Variants in FLRT2 observed in about 807,000 individuals in gnomAD.
FLRT2 encodes leucine-rich repeat transmembrane protein FLRT2.
FLRT2 carries 15 observed loss-of-function variants against 40.0 expected under a neutral mutation model. The ratio of observed to expected loss-of-function variants is 0.38; its 90% confidence interval spans 0.25 to 0.58. The LOEUF (loss-of-function observed/expected upper bound fraction) is 0.58, where lower values mean the gene tolerates loss of function less well. FLRT2 is among the 20% of genes least tolerant of loss of function. The pLI is 0.71. For missense variants in FLRT2, 726 were observed against 840.0 expected (o/e 0.86, Z 1.68); for synonymous variants, 380 against 336.8 (o/e 1.13, Z -1.41).
chr14:85,540,599 C>A (rs1888927772), intron 1 of FLRT2, among the ~76,000 whole-genome samples: 1 of 152,060 alleles, frequency 6.6e-6, no homozygotes. Flanking sequence ...GTGGTTGGAT[C>A]CCGATTCTTG....
intron 1 of FLRT2, among the ~76,000 whole-genome samples, chr14:85,554,574 T>A (rs531381165): frequency 4.7e-4 from 72 of 152,220 alleles, no homozygotes; most frequent in Non-Finnish European, 9.3e-4. Flanking sequence ...TGCTTAGAAA[T>A]TCAGCTCACC....
In FLRT2 at chr14:85,623,078, G is replaced by A. The variant is rs976793534; in HGVS notation, c.1564G>A (p.Gly522Ser). 1 of 1,614,092 alleles carries A rather than the reference G, an allele frequency of 6.2e-7. No individual in the cohort carries two copies. The highest frequency in any genetic ancestry group is 8.5e-7 in the Non-Finnish European group (1 of 1,180,020). ...ATTHASYLNN[G>S]SNTASSHEQT... ...CACCCATGCCTCCTATCTGAACAAC[G>A]GCAGCAACACAGCGTCCAGCCATGA... The change falls in exon 2 of 2, where the codon GGC becomes AGC. Residue 522 changes from glycine (G) to serine (S), a missense_variant. Around this residue, in one of 3 missense-constraint regions of FLRT2, gnomAD observed 611 missense variants for 690.0 expected, o/e 0.89. Transcript: ENST00000330753.
rs1894162921 is a variant in FLRT2, at chr14:85,642,130, G to GCCA, written c.*18633_*18634insCCA. The stretch of plus-strand genomic sequence containing the variant: ...TTCTTACAGTTTCAAGGTTGCTGTT[G>GCCA]ACAAAAAAAAAAAAAAAGAAAGAAA... On this transcript the variant is annotated 3_prime_UTR_variant, in exon 2 of 2. Transcript: ENST00000330753. 1 of 15,596 alleles carries GCCA rather than the reference G, an allele frequency of 6.4e-5. No homozygotes were observed. The highest frequency in any genetic ancestry group is 1.5e-4 in the Non-Finnish European group (1 of 6,812). 1.0% of individuals were successfully genotyped at this position (15,596 alleles called of 1,614,324 possible). A position where few individuals can be genotyped will look rare whatever the true frequency, so the allele number is the denominator to read the frequency against.
chr14:85,540,665 A>G (rs1158947285), intron 1 of FLRT2, among the ~76,000 whole-genome samples: 2 of 152,120 alleles, frequency 1.3e-5, no homozygotes, highest in South Asian at 2.1e-4. Flanking sequence ...ATCCAACAAC[A>G]TTCTTTTCAA....
intron 1 of FLRT2, among the ~76,000 whole-genome samples, chr14:85,601,404 G>C (rs1209505503): frequency 6.6e-6 from 1 of 152,160 alleles, no homozygotes; most frequent in Non-Finnish European, 1.5e-5. Context: ...AGACTTCCAG[G>C]ACTAAAATTA....
chr14:85,553,455 A>G (rs1466757932), intron 1 of FLRT2, among the ~76,000 whole-genome samples: 1 of 152,298 alleles, frequency 6.6e-6, no homozygotes, highest in Non-Finnish European at 1.5e-5. Flanking sequence ...ATGAAACACA[A>G]TGATAGCTGA....
chr14:85,592,526 C>A (rs9323766), intron 1 of FLRT2, among the ~76,000 whole-genome samples: 1 of 151,812 alleles, frequency 6.6e-6, no homozygotes, highest in South Asian at 2.1e-4. Context: ...AGTGGCGCAA[C>A]GGCTGTAATC....
At position 85,604,092 on chromosome 14, in the gene FLRT2, T is replaced by G. The variant is rs541068079; in HGVS notation, c.-376-17047T>G. Among the ~76,000 whole-genome samples the G allele has an allele frequency of 2.2e-3, 342 of 152,280 alleles. 1 individual carries two copies. The Middle Eastern group carries it at 0.027, about 12-fold the overall frequency. Reference sequence around the variant, plus strand: ...CATCCTACCTAAATCTATCCCAACCTGTCTTACTAGTTAGTGAAAACATTT... The same window carrying G: ...CATCCTACCTAAATCTATCCCAACCGGTCTTACTAGTTAGTGAAAACATTT... On this transcript the variant is annotated intron_variant, in intron 1 of 1. Transcript: ENST00000330753.
At chr14:85,604,264 C>T (rs563160877) in intron 1 of FLRT2, among the ~76,000 whole-genome samples, 7 of 152,230 alleles carry the variant, frequency 4.6e-5, no homozygotes, top group Non-Finnish European at 7.4e-5. Context: ...TCTGCCTTAG[C>T]GGAACATTCA....
At chr14:85,569,097 AT>A (rs1227958793) in intron 1 of FLRT2, among the ~76,000 whole-genome samples, 2 of 152,132 alleles carry the variant, frequency 1.3e-5, no homozygotes, top group Admixed American at 6.5e-5. Flanking sequence ...CAGGTGGTGG[AT>A]TTTTAGGCTT....
intron 1 of FLRT2, among the ~76,000 whole-genome samples, chr14:85,591,564 A>G (rs2139317086): frequency 6.6e-6 from 1 of 152,368 alleles, no homozygotes; most frequent in East Asian, 1.9e-4. Flanking sequence ...CTGAAGATGC[A>G]TAGGCAGGGG....
Position 85,623,713 on chromosome 14 carries a change from CTT to C in FLRT2, c.*218_*219del, listed in dbSNP as rs1893536729. The C allele has an allele frequency of 4.7e-6, 2 of 422,076 alleles. No individual in the cohort carries two copies. The highest frequency in any genetic ancestry group is 3.7e-5 in the East Asian group (1 of 26,950). The allele number at this position is 422,076 out of a possible 1,614,324, so 26.1% of individuals were successfully genotyped here. On this transcript the variant is annotated 3_prime_UTR_variant, in exon 2 of 2. Transcript: ENST00000330753. ...GTTAATTACAAACAGTTTTGTAACT[CTT>C]TGCTTTTTAAATCTTAAAAAAAAAA... is the stretch of plus-strand genomic sequence containing the variant.
intron 1 of FLRT2, among the ~76,000 whole-genome samples, chr14:85,536,683 G>C (rs183552777): frequency 2.2e-4 from 34 of 151,626 alleles, no homozygotes; most frequent in Admixed American, 1.9e-3. Flanking sequence ...ATGACGTCAG[G>C]GTGCTGGGGG....
chr14:85,624,330 T>C lies in FLRT2; in HGVS notation c.*833T>C, dbSNP rs967389457. 1.2e-5 allele frequency: 2 copies of C among 167,060 alleles called. No individual in the cohort carries two copies. The highest frequency in any genetic ancestry group is 1.3e-4 in the Admixed American group (2 of 15,290). 10.3% of individuals were successfully genotyped at this position (167,060 alleles called of 1,614,324 possible). ...AAATCATATATCAGGTTGAATCACA[T>C]TCAACAGAGATATATTCTAGAATAC... On this transcript the variant is annotated 3_prime_UTR_variant, in exon 2 of 2. Coordinates refer to ENST00000330753, the MANE Select transcript of FLRT2 (RefSeq NM_013231.6).
chr14:85,622,130 T>C lies in FLRT2; in HGVS notation c.616T>C (p.Leu206=). The change falls in exon 2 of 2, where the codon TTG becomes CTG. Residue 206 remains leucine (L), a synonymous_variant. Transcript: ENST00000330753. The part of the protein sequence containing the change: ...SDMAFQNLTS[L]ERLIVDGNLL... ...CATGGCCTTCCAGAATCTCACGAGC[T>C]TGGAGCGTCTTATTGTGGACGGGAA... is the stretch of plus-strand genomic sequence containing the variant. 6.2e-7 allele frequency: 1 copy of C among 1,614,112 alleles called. No homozygotes were observed. The highest frequency in any genetic ancestry group is 1.3e-5 in the African/African-American group (1 of 75,022).
At chr14:85,609,405 C>T (rs1892764605) in intron 1 of FLRT2, among the ~76,000 whole-genome samples, 1 of 152,122 alleles carries the variant, frequency 6.6e-6, no homozygotes, top group South Asian at 2.1e-4. Context: ...AGATTATTCC[C>T]ATATTCTGAA....
chr14:85,598,701 T>A (rs1222322967), intron 1 of FLRT2, among the ~76,000 whole-genome samples: 1 of 152,132 alleles, frequency 6.6e-6, no homozygotes, highest in Non-Finnish European at 1.5e-5. Flanking sequence ...CTTCTTCCTG[T>A]TACGGTTTTA....
chr14:85,649,709 C>A lies in FLRT2; in HGVS notation c.*26212C>A, dbSNP rs527641667. 14 of 152,036 alleles carry A rather than the reference C, an allele frequency of 9.2e-5. No individual in the cohort carries two copies. Among genetic ancestry groups the A allele is most frequent in the African/African-American group, 3.4e-4 (14 of 41,488 alleles). 9.4% of individuals were successfully genotyped at this position (152,036 alleles called of 1,614,324 possible). ...TTTCCTCACTATAAAATTTAATGAA[C>A]CTTATATCATTAATATTTTTGTGTC... On this transcript the variant is annotated 3_prime_UTR_variant, in exon 2 of 2. Coordinates refer to ENST00000330753, the MANE Select transcript of FLRT2 (RefSeq NM_013231.6).
At chr14:85,571,450 T>C (rs1334092163) in intron 1 of FLRT2, among the ~76,000 whole-genome samples, 4 of 152,194 alleles carry the variant, frequency 2.6e-5, no homozygotes, top group Non-Finnish European at 5.9e-5. Context: ...GGGTGATTGA[T>C]GTAGACATAA....
Sources: gnomAD v4.1 joint callset for allele counts (sites outside exome capture counted in the v4.1 genomes callset) on GRCh38, gnomAD v4.1.1 for gene constraint, gnomAD v4.1.1 regional missense constraint, MANE v1.5 for transcripts, NCBI Gene and HGNC (gene_info 2026-07-23, HGNC 2026-07-21) for gene names.